CELSR1: variants seen among roughly 807,000 people sequenced by gnomAD.
CELSR1 encodes adhesion G protein-coupled receptor C1.
A neutral mutation model predicts 249.1 loss-of-function variants in CELSR1; 110 were observed. The observed-to-expected ratio is 0.44, with a 90% CI of 0.38 to 0.52. The LOEUF is 0.52. Among genes scored for constraint, CELSR1 ranks in the 20% least tolerant of loss-of-function variants. The pLI is 0.00. For missense variants in CELSR1, 4,109 were observed against 4,296.4 expected, an observed-to-expected ratio of 0.96 and a Z score of 1.22; for synonymous variants, 2,113 against 1,900.0, an observed-to-expected ratio of 1.11 and a Z score of -2.92.
chr22:46,508,840 G>C (rs1004345254), intron 1 of CELSR1, among the ~76,000 whole-genome samples: 7 of 152,220 alleles, frequency 4.6e-5, no homozygotes, highest in African/African-American at 1.7e-4. Context: ...CCCTGTGTCT[G>C]TGAACCTGGG....
rs887624555 is a variant in CELSR1 at position 46,429,273 on chromosome 22, C to T, written c.4611+4120G>A. ...AAAACCGATTCTCAAGTGGGGAGAA[C>T]GTTTTCCGTCAGGCATGTCCACCCT... On this transcript the variant is annotated intron_variant, in intron 5 of 34. Coordinates refer to ENST00000674500, the MANE Select transcript of CELSR1 (RefSeq NM_001378328.1). The surrounding 1 kb of genome is among the most constrained non-coding windows in gnomAD (Gnocchi z 4.1). Among the ~76,000 whole-genome samples the T allele has an allele frequency of 3.9e-5, 6 of 152,196 alleles. No individual in the cohort carries two copies. Among genetic ancestry groups the T allele is most frequent in the African/African-American group, 9.6e-5 (4 of 41,454 alleles).
At chr22:46,419,546 T>C (rs2079441083) in intron 5 of CELSR1, among the ~76,000 whole-genome samples, 1 of 151,990 alleles carries the variant, frequency 6.6e-6, no homozygotes, top group South Asian at 2.1e-4. Context: ...ACAGAGTGCC[T>C]GGGATGGGGC....
At position 46,445,573 on chromosome 22, in the gene CELSR1, A is replaced by G. The variant is rs569750858; in HGVS notation, c.4184-6162T>C. 4.6e-5 allele frequency among the ~76,000 whole-genome samples: 7 copies of G among 152,070 alleles called. No individual in the cohort carries two copies. The highest frequency in any genetic ancestry group is 1.0e-4 in the Non-Finnish European group (7 of 68,018). On this transcript the variant is annotated intron_variant, in intron 2 of 34. Coordinates refer to ENST00000674500, the MANE Select transcript of CELSR1 (RefSeq NM_001378328.1). The surrounding 1 kb of genome is among the most constrained non-coding windows in gnomAD (Gnocchi z 4.4). The stretch of plus-strand genomic sequence containing the variant: ...AATCCACGATGACTTAAGGACCCAA[A>G]CTCATTACATCTGGAAAGAGCCCAT...
At chr22:46,463,660 T>A in intron 2 of CELSR1, 47 bp downstream of exon 2, 1 of 1,460,848 alleles carries the variant, frequency 6.8e-7, no homozygotes, top group Non-Finnish European at 9.0e-7. Context: ...CTCGGCCATG[T>A]GACCTGGGGA....
chr22:46,398,560 C>G lies in CELSR1; in HGVS notation c.5490G>C (p.Lys1830Asn). The change falls in exon 11 of 35, where the codon AAG becomes AAC. Residue 1830 changes from lysine to asparagine, a missense_variant. Coordinates refer to ENST00000674500, the MANE Select transcript of CELSR1 (RefSeq NM_001378328.1). The surrounding 1 kb of genome is among the most constrained non-coding windows in gnomAD (Gnocchi z 7.2). The stretch of plus-strand genomic sequence containing the variant: ...CTCGGAATCCACGGCGCACGGAGAC[C>G]TTGTCTTCAGAGGCGCCTCCGACCA... ...SVVVGGASED[K>N]VSVRRGFRGC... is the part of the protein sequence containing the mutation. 6.2e-7 allele frequency: 1 copy of G among 1,613,684 alleles called. No individual in the cohort carries two copies. Among genetic ancestry groups the G allele is most frequent in the Non-Finnish European group, 8.5e-7 (1 of 1,179,866 alleles).
intron 5 of CELSR1, among the ~76,000 whole-genome samples, chr22:46,419,042 T>C (rs1236039050): frequency 6.6e-6 from 1 of 152,158 alleles, no homozygotes; most frequent in African/African-American, 2.4e-5. Flanking sequence ...GTTCTGGAAA[T>C]GATCCAGCAG....
rs200997537 is a variant in CELSR1, at chr22:46,420,434, CCA to C, written c.4612-8677_4612-8676del. Among the ~76,000 whole-genome samples the C allele has an allele frequency of 2.5e-4, 38 of 151,934 alleles. No homozygotes were observed. The East Asian group carries it at 6.4e-3, about 26-fold the overall frequency. ...TGCTTCTTCACACACGTGCACACACCCACACACATGCATACTCACCCAGGTGC... is the reference window on the plus strand; with the variant it reads ...TGCTTCTTCACACACGTGCACACACCCACACATGCATACTCACCCAGGTGC... On this transcript the variant is annotated intron_variant, in intron 5 of 34. Transcript: ENST00000674500.
intron 9 of CELSR1, among the ~76,000 whole-genome samples, chr22:46,405,925 C>A (rs904702622): frequency 7.9e-5 from 12 of 152,162 alleles, no homozygotes; most frequent in Admixed American, 6.5e-4. Context: ...GCCCTGGGGG[C>A]CTTCTGGGTG....
rs939361830 is a variant in CELSR1 at position 46,369,586 on chromosome 22, C to G, written c.7872+106G>C. On this transcript the variant is annotated intron_variant, in intron 26 of 34. Coordinates refer to ENST00000674500, the MANE Select transcript of CELSR1 (RefSeq NM_001378328.1). ...TGTTACAAGGTGGCCCTTCCTGCCC[C>G]CCGTCGGCTGCTCAGAGGAGTTGGT... 7.4e-5 allele frequency: 74 copies of G among 999,566 alleles called. 1 individual carries two copies. Among genetic ancestry groups the G allele is most frequent in the Admixed American group, 4.4e-5 (2 of 45,620 alleles). The allele number at this position is 999,566 out of a possible 1,614,324, so 61.9% of individuals were successfully genotyped here. A position where few individuals can be genotyped will look rare whatever the true frequency, so the allele number is the denominator to read the frequency against.
intron 2 of CELSR1, among the ~76,000 whole-genome samples, chr22:46,458,206 C>T (rs2079979547): frequency 6.6e-6 from 1 of 152,220 alleles, no homozygotes; most frequent in South Asian, 2.1e-4. Flanking sequence ...GTGTGTGTCC[C>T]GAAGGCCAGA....
At chr22:46,426,961 A>G (rs1230795148) in intron 5 of CELSR1, among the ~76,000 whole-genome samples, 1 of 152,226 alleles carries the variant, frequency 6.6e-6, no homozygotes, top group Non-Finnish European at 1.5e-5. Flanking sequence ...AGGCAGCACG[A>G]ATGGGCTGGG....
At chr22:46,504,523 AAAAAAAACAG>A (rs1204505550) in intron 1 of CELSR1, among the ~76,000 whole-genome samples, 2 of 137,272 alleles carry the variant, frequency 1.5e-5, no homozygotes, top group Non-Finnish European at 3.3e-5. Context: ...AAAAAAAACA[AAAAAAAACAG>A]GAATGGCTGC....
At chr22:46,493,468 C>T (rs2147706247) in intron 1 of CELSR1, among the ~76,000 whole-genome samples, 1 of 151,362 alleles carries the variant, frequency 6.6e-6, no homozygotes, top group East Asian at 1.9e-4. Flanking sequence ...ATCGCTTGAA[C>T]CTGGGAGGCA....
intron 5 of CELSR1, among the ~76,000 whole-genome samples, chr22:46,426,566 T>C (rs535356168): frequency 6.6e-6 from 1 of 152,306 alleles, no homozygotes; most frequent in East Asian, 1.9e-4. Context: ...TCCCAAAGGC[T>C]GCACTTCCTA....
intron 3 of CELSR1, 50 bp downstream of exon 3, chr22:46,439,139 G>A (rs369392417): frequency 5.1e-5 from 78 of 1,524,810 alleles, no homozygotes; most frequent in East Asian, 1.8e-4. Flanking sequence ...GGAGAAGCTC[G>A]CCCCTTTCCT....
chr22:46,370,202 G>A (rs1382030107), intron 25 of CELSR1: 7 of 455,242 alleles, frequency 1.5e-5, no homozygotes, highest in Non-Finnish European at 3.1e-5. Flanking sequence ...AAGGTGCAAG[G>A]GATGAGGCTC....
chr22:46,410,223 C>T lies in CELSR1; in HGVS notation c.4933+175G>A, dbSNP rs1441621585. Among the ~76,000 whole-genome samples the T allele has an allele frequency of 6.6e-6, 1 of 152,216 alleles. No individual in the cohort carries two copies. Among genetic ancestry groups the T allele is most frequent in the Non-Finnish European group, 1.5e-5 (1 of 68,040 alleles). ...TGCAGATGCAGGAACTGCGGAGATGCACATCTCCAGCCTGGACTCCGGGTT... is the reference window on the plus strand; with the variant it reads ...TGCAGATGCAGGAACTGCGGAGATGTACATCTCCAGCCTGGACTCCGGGTT... On this transcript the variant is annotated intron_variant, in intron 7 of 34. Transcript: ENST00000674500. This position sits in a 1 kb window ranked among gnomAD's most constrained non-coding sequence, Gnocchi z 6.8.
rs536910194 is a variant in CELSR1 at position 46,393,384 on chromosome 22, G to A, written c.5964+758C>T. On this transcript the variant is annotated intron_variant, in intron 14 of 34. Transcript: ENST00000674500. This position sits in a 1 kb window ranked among gnomAD's most constrained non-coding sequence, Gnocchi z 4.1. ...GCCCTGGACAGGCGTGGGGCATAAC[G>A]CACTTAGTGACACTTTCTATTTTAA... Among the ~76,000 whole-genome samples the A allele has an allele frequency of 9.2e-5, 14 of 152,316 alleles. No individual in the cohort carries two copies. The highest frequency in any genetic ancestry group is 4.1e-4 in the South Asian group (2 of 4,828).
intron 1 of CELSR1, among the ~76,000 whole-genome samples, chr22:46,515,180 C>G (rs943059108): frequency 6.6e-6 from 1 of 152,194 alleles, no homozygotes; most frequent in African/African-American, 2.4e-5. Context: ...CCATTCCACC[C>G]GTGCATCAGC....
Sources: gnomAD v4.1 joint callset for allele counts (sites outside exome capture counted in the v4.1 genomes callset) on GRCh38, gnomAD v4.1.1 for gene constraint, Gnocchi (gnomAD v3.1) non-coding constraint, MANE v1.5 for transcripts, NCBI Gene and HGNC (gene_info 2026-07-23, HGNC 2026-07-21) for gene names.